Variants in KAT6B observed in about 807,000 individuals in gnomAD.
KAT6B encodes the protein lysine acetyltransferase 6B.
A neutral mutation model predicts 187.5 loss-of-function variants in KAT6B; 10 were observed. The ratio of observed to expected loss-of-function variants is 0.05; its 90% CI spans 0.03 to 0.09. KAT6B has a LOEUF of 0.09. KAT6B is among the 10% of genes least tolerant of loss of function. KAT6B has a pLI of 1.00. For missense variants in KAT6B, 1,952 were observed against 2,558.9 expected, an observed-to-expected ratio of 0.76 and a Z score of 5.12; for synonymous variants, 861 against 926.8, an observed-to-expected ratio of 0.93 and a Z score of 1.29.
chr10:75,009,803 C>T (rs915864200), intron 13 of KAT6B, among the ~76,000 whole-genome samples: 1 of 152,050 alleles, frequency 6.6e-6, no homozygotes, highest in East Asian at 1.9e-4. Flanking sequence ...GTCAGGAGTT[C>T]GAGACCAGCC....
chr10:74,987,478 TGGA>T (rs775832352), intron 12 of KAT6B, among the ~76,000 whole-genome samples: 4 of 152,126 alleles, frequency 2.6e-5, no homozygotes, highest in Non-Finnish European at 4.4e-5. Flanking sequence ...ATGTGTCAGC[TGGA>T]ATCTAGAGGA....
chr10:74,905,677 C>T (rs943285143), intron 3 of KAT6B, among the ~76,000 whole-genome samples: 3 of 152,136 alleles, frequency 2.0e-5, no homozygotes, highest in Non-Finnish European at 2.9e-5. Flanking sequence ...TGGGCACTAG[C>T]GGTGGATTAA....
chr10:75,020,612 C>T lies in KAT6B; in HGVS notation c.2660C>T (p.Ala887Val). ...TTGCTTTCTAGAAGAGAAGGCCAAG[C>T]AGGGTCTCCTGAAAAGCCTCTCTCC... is the stretch of plus-strand genomic sequence containing the variant. ...SYLLSRREGQAGSPEKPLSDL... is the reference protein window; with the variant it reads ...SYLLSRREGQVGSPEKPLSDL... Residue 887 changes from alanine (A) to valine (V), a missense_variant, in exon 14 of 18, where the codon GCA becomes GTA. This residue lies in a region of KAT6B where 758 missense variants were observed against 891.4 expected (regional missense o/e 0.85). Coordinates refer to ENST00000287239, the MANE Select transcript of KAT6B (RefSeq NM_012330.4). 6.2e-7 allele frequency: 1 copy of T among 1,614,220 alleles called. No individual in the cohort carries two copies.
At chr10:74,889,227 G>A (rs1385443039) in intron 3 of KAT6B, among the ~76,000 whole-genome samples, 1 of 152,042 alleles carries the variant, frequency 6.6e-6, no homozygotes, top group African/African-American at 2.4e-5. Context: ...TTCCATTATT[G>A]TGTAACGAAA....
chr10:74,983,955 T>TA (rs1842673514), intron 11 of KAT6B: 2 of 152,234 alleles, frequency 1.3e-5, no homozygotes, highest in Non-Finnish European at 2.9e-5. Flanking sequence ...TTATTCCTCT[T>TA]ACACTTTTCA....
chr10:74,969,388 A>G (rs1841704351), intron 4 of KAT6B, among the ~76,000 whole-genome samples: 1 of 152,204 alleles, frequency 6.6e-6, no homozygotes, highest in African/African-American at 2.4e-5. Context: ...GTTATCTTCA[A>G]GTTCTCAAAG....
rs1845344181 is a variant in KAT6B, at chr10:75,020,819, T to C, written c.2861+6T>C. 2 of 1,612,660 alleles carry C rather than the reference T, an allele frequency of 1.2e-6. No homozygotes were observed. Among genetic ancestry groups the C allele is most frequent in the Admixed American group, 1.7e-5 (1 of 59,972 alleles). On this transcript the variant is annotated splice_donor_region_variant and intron_variant, in intron 14 of 17. Coordinates refer to ENST00000287239, the MANE Select transcript of KAT6B (RefSeq NM_012330.4). ...ATCGACAAGAGAGATGGCAGGTGAGTCCTGGGACCCTGGGCAGCTCCGTGG... is the reference window on the plus strand; with the variant it reads ...ATCGACAAGAGAGATGGCAGGTGAGCCCTGGGACCCTGGGCAGCTCCGTGG...
At chr10:74,969,620 G>C (rs1188000611) in intron 4 of KAT6B, 40 bp from the exon 5 acceptor site, 59 of 1,195,514 alleles carry the variant, frequency 4.9e-5, no homozygotes, top group Non-Finnish European at 7.4e-5. Context: ...AAAGTCAAAG[G>C]CACCATTCCC....
intron 6 of KAT6B, 79 bp from the exon 7 acceptor site, chr10:74,972,428 T>C: frequency 9.2e-7 from 1 of 1,086,016 alleles, no homozygotes; most frequent in Non-Finnish European, 1.3e-6. Context: ...GAGCAGCTTA[T>C]TACAGCTACA....
At chr10:75,000,708 T>C (rs1843771386) in intron 13 of KAT6B, among the ~76,000 whole-genome samples, 1 of 152,162 alleles carries the variant, frequency 6.6e-6, no homozygotes, top group Non-Finnish European at 1.5e-5. Flanking sequence ...CATAAAAATG[T>C]GTCAGCAGTT....
At chr10:74,890,868 G>C (rs1845602070) in intron 3 of KAT6B, among the ~76,000 whole-genome samples, 1 of 152,056 alleles carries the variant, frequency 6.6e-6, no homozygotes, top group Non-Finnish European at 1.5e-5. Context: ...ATAGAACACA[G>C]TTTGGGTTTT....
intron 4 of KAT6B, among the ~76,000 whole-genome samples, chr10:74,962,904 G>A (rs1036321354): frequency 6.6e-6 from 1 of 151,684 alleles, no homozygotes; most frequent in Non-Finnish European, 1.5e-5. Context: ...TAGTAAAAAC[G>A]TGAGGTGAGG....
intron 14 of KAT6B, 51 bp downstream of exon 14, chr10:75,020,864 A>G (rs759958999): frequency 6.8e-7 from 1 of 1,472,978 alleles, no homozygotes; most frequent in Non-Finnish European, 9.4e-7. Context: ...CCCACACCAG[A>G]AAGGGTCCCT....
At chr10:74,917,422 C>G (rs1847772601) in intron 3 of KAT6B, among the ~76,000 whole-genome samples, 1 of 152,140 alleles carries the variant, frequency 6.6e-6, no homozygotes, top group African/African-American at 2.4e-5. Flanking sequence ...TCCCACATTA[C>G]CTTCAGTTGT....
chr10:74,980,871 C>G (rs1030670388), intron 10 of KAT6B, among the ~76,000 whole-genome samples: 7 of 152,174 alleles, frequency 4.6e-5, no homozygotes, highest in African/African-American at 1.7e-4. Flanking sequence ...TTCAGCCGTG[C>G]TATTTACTGC....
At chr10:74,918,009 T>C (rs1397191223) in intron 3 of KAT6B, among the ~76,000 whole-genome samples, 1 of 152,234 alleles carries the variant, frequency 6.6e-6, no homozygotes, top group Non-Finnish European at 1.5e-5. Flanking sequence ...AGTTTTGGCT[T>C]AAATTTTTTT....
chr10:74,831,307 G>A (rs1840836506), intron 1 of KAT6B, among the ~76,000 whole-genome samples: 1 of 152,062 alleles, frequency 6.6e-6, no homozygotes, highest in African/African-American at 2.4e-5. Flanking sequence ...ATGAACAGAA[G>A]TTCTTAATTT....
intron 6 of KAT6B, among the ~76,000 whole-genome samples, chr10:74,972,280 A>T (rs1218336719): frequency 6.6e-6 from 1 of 152,096 alleles, no homozygotes; most frequent in Non-Finnish European, 1.5e-5. Flanking sequence ...AGCTTCATGG[A>T]AGGATTCTGA....
At chr10:74,871,911 A>G (rs1339860008) in intron 3 of KAT6B, among the ~76,000 whole-genome samples, 4 of 152,194 alleles carry the variant, frequency 2.6e-5, no homozygotes, top group Non-Finnish European at 5.9e-5. Context: ...ATTTCCTCAT[A>G]TGTTTAATAA....
Sources: allele counts gnomAD v4.1 joint callset (sites outside exome capture counted in the v4.1 genomes callset), GRCh38; gene constraint gnomAD v4.1.1; regional missense constraint gnomAD v4.1.1; transcripts MANE v1.5; gene names NCBI Gene and HGNC (gene_info 2026-07-23, HGNC 2026-07-21).